The following PIP5K1B variants were observed in gnomAD, a reference collection of about 807,000 sequenced individuals.
The protein encoded by PIP5K1B is phosphatidylinositol 4-phosphate 5-kinase type-1 beta.
Under a neutral mutation model 67.0 loss-of-function variants are expected in PIP5K1B, and 42 were observed. The ratio of observed to expected loss-of-function variants is 0.63; its 90% CI spans 0.49 to 0.81. The LOEUF (loss-of-function observed/expected upper bound fraction) is 0.81, where lower values mean the gene tolerates loss of function less well. PIP5K1B is among the 30% of genes least tolerant of loss of function. The pLI, the probability that PIP5K1B is intolerant of heterozygous loss-of-function variation, is 0.00. For synonymous variants in PIP5K1B, 214 were observed against 231.4 expected, an observed-to-expected ratio of 0.92 and a Z score of 0.68; for missense variants, 459 against 646.3, an observed-to-expected ratio of 0.71 and a Z score of 3.14.
chr9:69,001,532 G>A (rs895880838), intron 15 of PIP5K1B, among the ~76,000 whole-genome samples: 3 of 152,092 alleles, frequency 2.0e-5, no homozygotes, highest in Admixed American at 6.6e-5. Context: ...CCACATGACT[G>A]GGGAGGCCTC....
At chr9:68,844,662 C>T (rs1822097272) in intron 4 of PIP5K1B, among the ~76,000 whole-genome samples, 1 of 152,142 alleles carries the variant, frequency 6.6e-6, no homozygotes, top group Non-Finnish European at 1.5e-5. Context: ...AGCTCTGACA[C>T]CAACTTTTAT....
chr9:68,764,540 C>G (rs1159505238), intron 2 of PIP5K1B, among the ~76,000 whole-genome samples: 3 of 151,922 alleles, frequency 2.0e-5, no homozygotes, highest in Admixed American at 6.6e-5. Flanking sequence ...CTACTGTAGG[C>G]CTTTAGAATT....
At chr9:68,887,708 A>C (rs1824548906) in intron 6 of PIP5K1B, among the ~76,000 whole-genome samples, 1 of 152,210 alleles carries the variant, frequency 6.6e-6, no homozygotes, top group Admixed American at 6.5e-5. Context: ...CCAGGCATGA[A>C]ATGATGAAAC....
At chr9:68,803,239 T>C (rs1832697897) in intron 2 of PIP5K1B, among the ~76,000 whole-genome samples, 1 of 152,182 alleles carries the variant, frequency 6.6e-6, no homozygotes, top group African/African-American at 2.4e-5. Context: ...AAATTTATAG[T>C]GCCTGCGAGA....
intron 1 of PIP5K1B, among the ~76,000 whole-genome samples, chr9:68,708,932 GT>G (rs1162647076): frequency 6.6e-6 from 1 of 152,148 alleles, no homozygotes; most frequent in Non-Finnish European, 1.5e-5. Flanking sequence ...ATATTAATTA[GT>G]TTAGAAGTAC....
intron 2 of PIP5K1B, chr9:68,780,085 AGCGGCGGCGG>A: frequency 9.1e-6 from 13 of 1,424,152 alleles, no homozygotes; most frequent in South Asian, 5.0e-5. Flanking sequence ...TGGCGGCGGC[AGCGGCGGCGG>A]CCCTGGACTG....
At chr9:68,798,051 G>A (rs1425616547) in intron 2 of PIP5K1B, among the ~76,000 whole-genome samples, 1 of 151,478 alleles carries the variant, frequency 6.6e-6, no homozygotes, top group African/African-American at 2.4e-5. Flanking sequence ...ATCCATGGTG[G>A]TTTTTTTTCA....
chr9:68,834,620 A>G (rs1374175053), intron 4 of PIP5K1B, among the ~76,000 whole-genome samples: 3 of 152,126 alleles, frequency 2.0e-5, no homozygotes, highest in Non-Finnish European at 4.4e-5. Context: ...GATTTTCCAA[A>G]GAGATATGTT....
At chr9:68,816,903 T>A (rs1368103568) in intron 2 of PIP5K1B, among the ~76,000 whole-genome samples, 3 of 152,172 alleles carry the variant, frequency 2.0e-5, no homozygotes, top group African/African-American at 7.2e-5. Flanking sequence ...GATAGTAAAT[T>A]TATAATCCAT....
At chr9:68,995,575 G>A (rs1404420444) in intron 15 of PIP5K1B, among the ~76,000 whole-genome samples, 2 of 152,214 alleles carry the variant, frequency 1.3e-5, no homozygotes, top group Non-Finnish European at 2.9e-5. Flanking sequence ...GGAGGCCGAG[G>A]CGGGCAGATC....
chr9:68,992,786 G>A lies in PIP5K1B; in HGVS notation c.1620+1529G>A, dbSNP rs113059323. On this transcript the variant is annotated intron_variant, in intron 15 of 15. Transcript: ENST00000265382. ...ACCTGGGAGGCGGAGGTTGCAATGA[G>A]CCGAGATCATGCCACTGCATTCCCA... Among the ~76,000 whole-genome samples, 1,106 of 136,174 alleles carry A rather than the reference G, an allele frequency of 8.1e-3. 10 individuals are homozygous for A. The highest frequency in any genetic ancestry group is 0.029 in the African/African-American group (1,045 of 35,902). The allele number at this position is 136,174 out of a possible 152,430, so 89.3% of individuals were successfully genotyped here.
intron 6 of PIP5K1B, among the ~76,000 whole-genome samples, chr9:68,884,140 A>C (rs552627843): frequency 1.7e-4 from 26 of 152,310 alleles, no homozygotes; most frequent in Admixed American, 4.6e-4. Flanking sequence ...AAAAGTAAAA[A>C]TAGATCAAAA....
At chr9:68,914,561 A>G (rs1826003916) in intron 8 of PIP5K1B, among the ~76,000 whole-genome samples, 1 of 151,998 alleles carries the variant, frequency 6.6e-6, no homozygotes, top group Non-Finnish European at 1.5e-5. Flanking sequence ...TAAAAATACA[A>G]AAAATTAGCA....
At chr9:68,817,800 T>C (rs989695779) in intron 2 of PIP5K1B, among the ~76,000 whole-genome samples, 7 of 150,234 alleles carry the variant, frequency 4.7e-5, no homozygotes, top group Admixed American at 2.0e-4. Context: ...AAGCAACCCT[T>C]CTACCTTAGC....
chr9:68,824,320 T>C (rs1359020145), intron 4 of PIP5K1B: 4 of 512,322 alleles, frequency 7.8e-6, no homozygotes. Flanking sequence ...AATGTGACCA[T>C]GACATCTCAG....
intron 2 of PIP5K1B, among the ~76,000 whole-genome samples, chr9:68,794,354 A>G (rs1159948808): frequency 1.3e-5 from 2 of 152,138 alleles, no homozygotes; most frequent in African/African-American, 4.8e-5. Context: ...ATGTGATTAT[A>G]GCTTGGGGGA....
intron 5 of PIP5K1B, among the ~76,000 whole-genome samples, chr9:68,869,428 T>A (rs953783927): frequency 1.3e-5 from 2 of 152,196 alleles, no homozygotes; most frequent in Non-Finnish European, 2.9e-5. Context: ...AAAAATTGTC[T>A]TCCACAAAAC....
intron 2 of PIP5K1B, among the ~76,000 whole-genome samples, chr9:68,817,712 CTTTTTTTTTTTTTTT>C (rs1156788129): frequency 1.1e-5 from 1 of 93,636 alleles, no homozygotes; most frequent in Non-Finnish European, 2.1e-5. Flanking sequence ...AGACCTCATT[CTTTTTTTTTTTTTTT>C]TTTTTTTTTT....
chr9:68,972,578 T>A (rs889453257), intron 14 of PIP5K1B, among the ~76,000 whole-genome samples: 2 of 152,032 alleles, frequency 1.3e-5, no homozygotes, highest in South Asian at 2.1e-4. Flanking sequence ...GAGGCAGAGG[T>A]TGTAGTGAGC....
Sources: allele counts gnomAD v4.1 joint callset (sites outside exome capture counted in the v4.1 genomes callset), GRCh38; gene constraint gnomAD v4.1.1; transcripts MANE v1.5; gene names NCBI Gene and HGNC (gene_info 2026-07-23, HGNC 2026-07-21).